Variants in CYB5A observed in about 807,000 individuals in gnomAD.
The protein encoded by CYB5A is cytochrome b5 type A, also known as cytochrome b5.
Under a neutral mutation model 16.2 loss-of-function variants are expected in CYB5A, and 10 were observed. That is an observed-to-expected ratio of 0.62 (90% CI 0.38 to 1.04). The LOEUF is 1.04. Among genes scored for constraint, CYB5A ranks in the 50% least tolerant of loss-of-function variants. The pLI is 0.01. For missense variants in CYB5A, 161 were observed against 165.9 expected (o/e 0.97, Z 0.16); for synonymous variants, 62 against 57.0 (o/e 1.09, Z -0.40).
At chr18:74,267,838 C>G (rs1215577953) in intron 1 of CYB5A, among the ~76,000 whole-genome samples, 8 of 152,198 alleles carry the variant, frequency 5.3e-5, no homozygotes, top group Admixed American at 5.2e-4. Flanking sequence ...TAACGCACTC[C>G]TTGCTAAGCC....
chr18:74,253,058 C>A lies in CYB5A; in HGVS notation c.*526G>T. The A allele has an allele frequency of 6.3e-6, 1 of 158,680 alleles. No homozygotes were observed. The highest frequency in any genetic ancestry group is 1.4e-5 in the Non-Finnish European group (1 of 72,132). The allele number at this position is 158,680 out of a possible 1,614,324, so 9.8% of individuals were successfully genotyped here. ...AGGACAATTATTAGAAATCCTTAAA[C>A]TATAATTTCTGGCCTTTCTTAATTT... On this transcript the variant is annotated 3_prime_UTR_variant, in exon 5 of 5. Transcript: ENST00000340533.
intron 1 of CYB5A, 63 bp from the exon 2 acceptor site, chr18:74,263,540 C>T: frequency 6.8e-7 from 1 of 1,471,964 alleles, no homozygotes; most frequent in Non-Finnish European, 9.5e-7. Context: ...GAGAAAACGG[C>T]CAGAATTTAT....
intron 1 of CYB5A, among the ~76,000 whole-genome samples, chr18:74,268,287 T>G (rs775700583): frequency 1.3e-5 from 2 of 152,174 alleles, no homozygotes; most frequent in African/African-American, 2.4e-5. Context: ...GGACGGGCCC[T>G]GCTGAGCTGT....
At position 74,253,599 on chromosome 18, in the gene CYB5A, G is replaced by A. The variant is rs1803364; in HGVS notation, c.390C>T (p.Tyr130=). The A allele has an allele frequency of 1.2e-6, 2 of 1,612,452 alleles. No individual in the cohort carries two copies. The highest frequency in any genetic ancestry group is 1.3e-5 in the African/African-American group (1 of 74,888). The change falls in exon 5 of 5, where the codon TAC becomes TAT. Residue 130 remains tyrosine (Y), a synonymous_variant. Coordinates refer to ENST00000340533, the MANE Select transcript of CYB5A (RefSeq NM_148923.4). The stretch of plus-strand genomic sequence containing the variant: ...GAGGAGGTGTTCAGTCCTCTGCCAT[G>A]TATAGGCGATACATCAAGGCGACGG... ...AVAVALMYRL[Y]MAED
At chr18:74,283,212 C>A (rs1983185788) in intron 1 of CYB5A, among the ~76,000 whole-genome samples, 1 of 152,148 alleles carries the variant, frequency 6.6e-6, no homozygotes. Flanking sequence ...ATGAGCGGGA[C>A]CCACTGAGGG....
Position 74,256,449 on chromosome 18 carries a change from C to T in CYB5A, c.289-674G>A, listed in dbSNP as rs915299081. The T allele has an allele frequency of 2.6e-5, 6 of 228,148 alleles. No homozygotes were observed. In the East Asian group the frequency reaches 4.9e-4, roughly 19 times the overall value. 14.1% of individuals were successfully genotyped at this position (228,148 alleles called of 1,614,324 possible). On this transcript the variant is annotated intron_variant, in intron 3 of 4. Coordinates refer to ENST00000340533, the MANE Select transcript of CYB5A (RefSeq NM_148923.4). ...CAGATAAGGAAGCCCTGTTTTTATC[C>T]TCCAGAGCTTTCTGGGAGCAGCTCT...
intron 1 of CYB5A, among the ~76,000 whole-genome samples, chr18:74,276,098 A>G (rs113434554): frequency 0.01 from 1,538 of 152,284 alleles, 6 homozygotes; most frequent in South Asian, 0.037. Flanking sequence ...GCCTGGCATC[A>G]AAACCAGGCA....
intron 3 of CYB5A, chr18:74,256,373 C>T (rs1180807654): frequency 1.7e-5 from 3 of 178,008 alleles, no homozygotes; most frequent in African/African-American, 4.8e-5. Context: ...CTGCTGTGCC[C>T]GGCGTCACAC....
intron 1 of CYB5A, among the ~76,000 whole-genome samples, chr18:74,264,713 G>A (rs552189935): frequency 1.3e-5 from 2 of 152,188 alleles, no homozygotes; most frequent in Non-Finnish European, 2.9e-5. Context: ...GGGGAGAGGC[G>A]GGAAGAGCCT....
intron 2 of CYB5A, among the ~76,000 whole-genome samples, chr18:74,261,871 G>A (rs982004504): frequency 4.6e-5 from 7 of 151,848 alleles, no homozygotes; most frequent in African/African-American, 9.7e-5. Context: ...TTTTTCTTAC[G>A]AGAGCAGAGC....
In CYB5A at chr18:74,255,790, G is replaced by T; in HGVS notation, c.289-15C>A. 1 of 1,602,198 alleles carries T rather than the reference G, an allele frequency of 6.2e-7. No homozygotes were observed. ...ATAAGAGTTTCCTGAAACACGAGAGGAAAAAGTAAAGTAAGTTCAAGGGAA... is the reference window on the plus strand; with the variant it reads ...ATAAGAGTTTCCTGAAACACGAGAGTAAAAAGTAAAGTAAGTTCAAGGGAA... On this transcript the variant is annotated splice_polypyrimidine_tract_variant and intron_variant, in intron 3 of 4. Coordinates refer to ENST00000340533, the MANE Select transcript of CYB5A (RefSeq NM_148923.4).
At chr18:74,274,665 C>T (rs893454225) in intron 1 of CYB5A, among the ~76,000 whole-genome samples, 2 of 152,122 alleles carry the variant, frequency 1.3e-5, no homozygotes, top group African/African-American at 4.8e-5. Flanking sequence ...AGATACTCTA[C>T]CCAGAAAGTA....
At chr18:74,285,149 C>T (rs1983271925) in intron 1 of CYB5A, among the ~76,000 whole-genome samples, 2 of 152,240 alleles carry the variant, frequency 1.3e-5, no homozygotes, top group Admixed American at 1.3e-4. Context: ...TTCCTCTATC[C>T]CCAAGCCTTG....
At chr18:74,265,199 G>C (rs1332395089) in intron 1 of CYB5A, among the ~76,000 whole-genome samples, 1 of 152,096 alleles carries the variant, frequency 6.6e-6, no homozygotes, top group Non-Finnish European at 1.5e-5. Flanking sequence ...CTAGTGCTAA[G>C]GACATCCACT....
intron 1 of CYB5A, 125 bp from the exon 2 acceptor site, chr18:74,263,602 A>AC (rs1982306262): frequency 2.5e-6 from 2 of 803,908 alleles, no homozygotes; most frequent in Non-Finnish European, 4.3e-6. Flanking sequence ...CAGGAGACTA[A>AC]CTTGTCCATA....
chr18:74,281,561 G>C (rs1173737062), intron 1 of CYB5A, among the ~76,000 whole-genome samples: 2 of 152,190 alleles, frequency 1.3e-5, no homozygotes, highest in Non-Finnish European at 2.9e-5. Context: ...GGAGAACTGA[G>C]AGCTGACACA....
chr18:74,286,111 T>C (rs1983310334), intron 1 of CYB5A, among the ~76,000 whole-genome samples: 1 of 152,232 alleles, frequency 6.6e-6, no homozygotes, highest in African/African-American at 2.4e-5. Context: ...TCCATGGATG[T>C]AAAGCACATC....
chr18:74,260,211 G>C (rs1244541609), intron 3 of CYB5A: 1 of 152,194 alleles, frequency 6.6e-6, no homozygotes, highest in East Asian at 1.9e-4. Context: ...TTTCTTTTTT[G>C]TCATTTGATT....
intron 1 of CYB5A, among the ~76,000 whole-genome samples, chr18:74,279,625 A>C (rs1175420556): frequency 2.0e-5 from 3 of 152,042 alleles, no homozygotes; most frequent in Non-Finnish European, 4.4e-5. Flanking sequence ...AGCAGGATTG[A>C]CAGTGGCATG....
Sources: gnomAD v4.1 joint callset for allele counts (sites outside exome capture counted in the v4.1 genomes callset) on GRCh38, gnomAD v4.1.1 for gene constraint, MANE v1.5 for transcripts, NCBI Gene and HGNC (gene_info 2026-07-23, HGNC 2026-07-21) for gene names.